HECW2: variants seen among roughly 807,000 people sequenced by gnomAD.
HECW2 encodes the protein HECT, C2 and WW domain containing E3 ubiquitin protein ligase 2.
Under a neutral mutation model 175.2 loss-of-function variants are expected in HECW2, and 61 were observed. That is an observed-to-expected ratio of 0.35 (90% CI 0.28 to 0.43). The LOEUF (loss-of-function observed/expected upper bound fraction) is 0.43. Ranked by LOEUF, HECW2 falls within the 20% of genes least tolerant of loss-of-function variation. HECW2 has a pLI of 1.00. For missense variants in HECW2, 1,524 were observed against 2,000.5 expected (o/e 0.76, Z 4.54); for synonymous variants, 671 against 731.0 (o/e 0.92, Z 1.32).
chr2:196,293,386 T>C (rs1228120518), intron 13 of HECW2, among the ~76,000 whole-genome samples: 1 of 152,260 alleles, frequency 6.6e-6, no homozygotes. Context: ...CTACATTTTC[T>C]TTATCCAGTC....
Position 196,319,627 on chromosome 2 carries a change from A to T in HECW2, c.1263T>A (p.Asp421Glu). Residue 421 changes from aspartate (D) to glutamate (E), a missense_variant, in exon 9 of 29, where the codon GAT becomes GAA. Asp to Glu is a conservative substitution (Grantham distance 45, BLOSUM62 2). Transcript: ENST00000644978. ...GRQDSLNDYL[D>E]AIEHNGHSRP... ...TGGAGTGGCCATTGTGTTCGATAGCATCTAAGTAATCATTGAGTGAATCCT... is the reference window on the plus strand; with the variant it reads ...TGGAGTGGCCATTGTGTTCGATAGCTTCTAAGTAATCATTGAGTGAATCCT... The T allele has an allele frequency of 6.2e-7, 1 of 1,614,226 alleles. No individual in the cohort carries two copies. The highest frequency in any genetic ancestry group is 8.5e-7 in the Non-Finnish European group (1 of 1,180,038).
chr2:196,543,479 A>G lies in HECW2; in HGVS notation c.-36+50029T>C, dbSNP rs113792399. Among the ~76,000 whole-genome samples the G allele has an allele frequency of 3.0e-3, 451 of 152,296 alleles. 1 individual carries two copies. Among genetic ancestry groups the G allele is most frequent in the African/African-American group, 0.01 (425 of 41,574 alleles). On this transcript the variant is annotated intron_variant, in intron 1 of 28. Coordinates refer to ENST00000644978, the MANE Select transcript of HECW2 (RefSeq NM_001348768.2). ...GCCATACACAAATGTTAAATTATTG[A>G]TCTTATTATAGATGTGCAGATGCGA...
At chr2:196,356,489 G>A (rs1012127330) in intron 2 of HECW2, among the ~76,000 whole-genome samples, 2 of 152,050 alleles carry the variant, frequency 1.3e-5, no homozygotes, top group Admixed American at 6.6e-5. Flanking sequence ...CTTCCATCCC[G>A]CCCGGATGTA....
chr2:196,310,563 G>C (rs910540492), intron 10 of HECW2, among the ~76,000 whole-genome samples: 27 of 152,230 alleles, frequency 1.8e-4, no homozygotes, highest in African/African-American at 6.5e-4. Context: ...CATCTTATAT[G>C]TCTTTATATT....
At chr2:196,583,458 C>T (rs114471149) in intron 1 of HECW2, among the ~76,000 whole-genome samples, 10 of 152,300 alleles carry the variant, frequency 6.6e-5, no homozygotes, top group African/African-American at 2.2e-4. Flanking sequence ...TTTAAAAATG[C>T]AGATTCAAAT....
At position 196,194,273 on chromosome 2, in the gene HECW2, G is replaced by C. The variant is rs1256376812; in HGVS notation, c.*7004C>G. On this transcript the variant is annotated 3_prime_UTR_variant, in exon 29 of 29. Transcript: ENST00000644978. The stretch of plus-strand genomic sequence containing the variant: ...GAAAACAGAACCTCCAATATTTATA[G>C]AGCTGCAAACTAATGCCATGAAATC... The C allele has an allele frequency of 6.6e-6, 1 of 151,670 alleles. No individual in the cohort carries two copies. The highest frequency in any genetic ancestry group is 1.5e-5 in the Non-Finnish European group (1 of 67,892). The allele number at this position is 151,670 out of a possible 1,614,324, so 9.4% of individuals were successfully genotyped here.
At chr2:196,347,250 C>T (rs950870733) in intron 2 of HECW2, among the ~76,000 whole-genome samples, 7 of 151,610 alleles carry the variant, frequency 4.6e-5, no homozygotes, top group Admixed American at 2.6e-4. Context: ...TCAGTAGAGA[C>T]GGGGTTTCAC....
At chr2:196,317,705 AAGG>A (rs1363726974) in intron 9 of HECW2, among the ~76,000 whole-genome samples, 1 of 152,098 alleles carries the variant, frequency 6.6e-6, no homozygotes, top group Non-Finnish European at 1.5e-5. Flanking sequence ...TAAAAAAAAA[AAGG>A]AGGAGGAAGA....
chr2:196,406,172 C>G (rs2125217418), intron 2 of HECW2, among the ~76,000 whole-genome samples: 1 of 152,232 alleles, frequency 6.6e-6, no homozygotes, highest in South Asian at 2.1e-4. Flanking sequence ...ATTTGCAGAC[C>G]CAGCTTCTTC....
intron 1 of HECW2, among the ~76,000 whole-genome samples, chr2:196,505,934 A>G (rs997959184): frequency 7.2e-5 from 11 of 152,196 alleles, no homozygotes; most frequent in Admixed American, 2.0e-4. Flanking sequence ...AAAAATACAT[A>G]GCATGTCATA....
chr2:196,374,006 T>A (rs540509056), intron 2 of HECW2, among the ~76,000 whole-genome samples: 394 of 150,762 alleles, frequency 2.6e-3, no homozygotes, highest in Non-Finnish European at 4.4e-3. Flanking sequence ...CACTCCAGCC[T>A]GGGCGACAGA....
chr2:196,306,445 G>T (rs1575391017), intron 13 of HECW2, 43 bp downstream of exon 13: 1 of 1,559,072 alleles, frequency 6.4e-7, no homozygotes, highest in Non-Finnish European at 8.7e-7. Flanking sequence ...CATTTGCTTT[G>T]GCCTGCTGTT....
chr2:196,504,962 A>G (rs1308289776), intron 1 of HECW2, among the ~76,000 whole-genome samples: 1 of 152,206 alleles, frequency 6.6e-6, no homozygotes, highest in Non-Finnish European at 1.5e-5. Flanking sequence ...TGACCACACC[A>G]AACAGAGCTC....
chr2:196,317,448 A>G (rs1559035382), intron 9 of HECW2, 79 bp from the exon 10 acceptor site: 1 of 997,414 alleles, frequency 1.0e-6, no homozygotes, highest in Non-Finnish European at 1.6e-6. Flanking sequence ...AAAACCTAAC[A>G]TAATTCCCAA....
intron 9 of HECW2, among the ~76,000 whole-genome samples, chr2:196,317,899 G>A (rs539099236): frequency 3.0e-4 from 45 of 152,314 alleles, no homozygotes; most frequent in African/African-American, 9.4e-4. Context: ...AATTTCAGGT[G>A]TAAATTTGTG....
intron 2 of HECW2, among the ~76,000 whole-genome samples, chr2:196,417,197 CAGAT>C (rs1695277829): frequency 1.3e-5 from 2 of 152,170 alleles, no homozygotes; most frequent in South Asian, 4.1e-4. Context: ...TACACTTCAA[CAGAT>C]AAATAATATT....
chr2:196,292,771 C>T lies in HECW2; in HGVS notation c.2815-21G>A, dbSNP rs1559016435. ...GCACTCTAAAGAAAAGAATGGAGAA[C>T]CAATGTTAACCCACTTGTGACATGC... On this transcript the variant is annotated intron_variant, in intron 13 of 28. Coordinates refer to ENST00000644978, the MANE Select transcript of HECW2 (RefSeq NM_001348768.2). 4 of 1,591,056 alleles carry T rather than the reference C, an allele frequency of 2.5e-6. No homozygotes were observed. In the South Asian group the frequency reaches 3.3e-5, roughly 13 times the overall value.
rs1299302547 is a variant in HECW2, at chr2:196,240,453, C to T, written c.3760G>A (p.Glu1254Lys). The change falls in exon 21 of 29, where the codon GAA becomes AAA. Residue 1254 changes from glutamate (E) to lysine (K), a missense_variant. This residue lies in a region of HECW2 where 291 missense variants were observed against 412.2 expected (regional missense o/e 0.71). Transcript: ENST00000644978. Reference protein sequence around the residue: ...NKLYVTFVGEEGLDYSGPSRE... With the variant: ...NKLYVTFVGEKGLDYSGPSRE... ...CCACTTCTCTGTTCTACTCACCCTT[C>T]CTCCCCAACGAAGGTGACATATAGC... 1 of 1,605,604 alleles carries T rather than the reference C, an allele frequency of 6.2e-7. No homozygotes were observed. Among genetic ancestry groups the T allele is most frequent in the African/African-American group, 1.3e-5 (1 of 74,588 alleles).
chr2:196,510,655 G>C (rs1300906758), intron 1 of HECW2, among the ~76,000 whole-genome samples: 1 of 151,424 alleles, frequency 6.6e-6, no homozygotes, highest in East Asian at 1.9e-4. Context: ...TTTAAGGTAG[G>C]GTTTTAATTG....
Sources: gnomAD v4.1 joint callset for allele counts (sites outside exome capture counted in the v4.1 genomes callset) on GRCh38, gnomAD v4.1.1 for gene constraint, gnomAD v4.1.1 regional missense constraint, MANE v1.5 for transcripts, NCBI Gene and HGNC (gene_info 2026-07-23, HGNC 2026-07-21) for gene names.